AUTS2: variants seen among roughly 807,000 people sequenced by gnomAD.
AUTS2 encodes the protein autism susceptibility gene 2 protein.
Under a neutral mutation model 112.4 loss-of-function variants are expected in AUTS2, and 17 were observed. The ratio of observed to expected loss-of-function variants is 0.15; its 90% confidence interval spans 0.10 to 0.23. AUTS2 has a LOEUF of 0.23. Among genes scored for constraint, AUTS2 ranks in the 10% least tolerant of loss-of-function variants. AUTS2 has a pLI of 1.00. For missense variants in AUTS2, 1,510 were observed against 1,701.6 expected, an observed-to-expected ratio of 0.89 and a Z score of 1.98; for synonymous variants, 751 against 702.7, an observed-to-expected ratio of 1.07 and a Z score of -1.09.
At chr7:70,449,219 C>G (rs1796434414) in intron 5 of AUTS2, among the ~76,000 whole-genome samples, 2 of 152,256 alleles carry the variant, frequency 1.3e-5, no homozygotes, top group Non-Finnish European at 2.9e-5. Flanking sequence ...CCACTTGAAT[C>G]TTGATAATTT....
chr7:70,712,699 G>C (rs960427806), intron 6 of AUTS2, among the ~76,000 whole-genome samples: 3 of 152,162 alleles, frequency 2.0e-5, no homozygotes, highest in African/African-American at 7.2e-5. Flanking sequence ...TGGCAGTGAG[G>C]TTTTGTAAAT....
intron 5 of AUTS2, among the ~76,000 whole-genome samples, chr7:70,577,646 T>C (rs1027745840): frequency 2.6e-5 from 4 of 152,208 alleles, no homozygotes; most frequent in Non-Finnish European, 4.4e-5. Context: ...AGTTGATGTA[T>C]AGCCACAGCT....
At chr7:69,906,621 G>A (rs1029207189) in intron 2 of AUTS2, among the ~76,000 whole-genome samples, 1 of 152,220 alleles carries the variant, frequency 6.6e-6, no homozygotes, top group Non-Finnish European at 1.5e-5. Flanking sequence ...AAATGAAATT[G>A]TGGGTGGGCT....
chr7:69,795,189 G>A (rs1002739675), intron 1 of AUTS2, among the ~76,000 whole-genome samples: 6 of 152,150 alleles, frequency 3.9e-5, no homozygotes, highest in Non-Finnish European at 7.3e-5. Context: ...ATTAATCATT[G>A]CAAGGAAAAT....
chr7:69,849,140 T>G (rs1792346485), intron 1 of AUTS2, among the ~76,000 whole-genome samples: 1 of 152,156 alleles, frequency 6.6e-6, no homozygotes, highest in Non-Finnish European at 1.5e-5. Flanking sequence ...TATGATCATA[T>G]GACTGCACCC....
At chr7:69,660,846 A>T (rs1355248079) in intron 1 of AUTS2, among the ~76,000 whole-genome samples, 2 of 152,190 alleles carry the variant, frequency 1.3e-5, no homozygotes, top group African/African-American at 2.4e-5. Flanking sequence ...TAGGCAGGGA[A>T]TGGCATGAAC....
At chr7:70,032,036 A>G (rs1190430410) in intron 2 of AUTS2, among the ~76,000 whole-genome samples, 1 of 152,174 alleles carries the variant, frequency 6.6e-6, no homozygotes, top group African/African-American at 2.4e-5. Context: ...AGTCGGGGTT[A>G]ACGTTTCTGA....
At chr7:69,854,488 A>G (rs1234422322) in intron 1 of AUTS2, among the ~76,000 whole-genome samples, 6 of 152,118 alleles carry the variant, frequency 3.9e-5, no homozygotes, top group Admixed American at 6.5e-5. Context: ...ATTTGCTTCA[A>G]TGAAAGGTAA....
At chr7:70,625,500 T>G (rs550162432) in intron 5 of AUTS2, among the ~76,000 whole-genome samples, 1 of 152,218 alleles carries the variant, frequency 6.6e-6, no homozygotes, top group Non-Finnish European at 1.5e-5. Context: ...GCTACAGGCA[T>G]GTGAATATTC....
intron 4 of AUTS2, among the ~76,000 whole-genome samples, chr7:70,150,004 T>G (rs1291289615): frequency 6.6e-6 from 1 of 152,110 alleles, no homozygotes; most frequent in Non-Finnish European, 1.5e-5. Flanking sequence ...TGTTTACTCA[T>G]GTACTTAAAA....
At chr7:69,671,180 A>G (rs1796304014) in intron 1 of AUTS2, among the ~76,000 whole-genome samples, 1 of 152,108 alleles carries the variant, frequency 6.6e-6, no homozygotes, top group African/African-American at 2.4e-5. Flanking sequence ...TGCTTCTACC[A>G]CCTTCTTAAT....
At chr7:69,883,359 A>G (rs1390911217) in intron 1 of AUTS2, among the ~76,000 whole-genome samples, 2 of 151,128 alleles carry the variant, frequency 1.3e-5, no homozygotes, top group Non-Finnish European at 2.9e-5. Flanking sequence ...GAGACTATCC[A>G]TAGTACTCAT....
intron 5 of AUTS2, among the ~76,000 whole-genome samples, chr7:70,641,424 C>T (rs1157899466): frequency 3.3e-5 from 5 of 152,098 alleles, no homozygotes; most frequent in African/African-American, 1.2e-4. Flanking sequence ...TGGCGGTCAG[C>T]ACCTGTAGTC....
intron 4 of AUTS2, among the ~76,000 whole-genome samples, chr7:70,301,542 C>G (rs1019035074): frequency 6.6e-6 from 1 of 152,096 alleles, no homozygotes; most frequent in Non-Finnish European, 1.5e-5. Flanking sequence ...AGACGTGCAA[C>G]ATTTGTGAGG....
At chr7:69,957,901 G>A (rs1431203644) in intron 2 of AUTS2, among the ~76,000 whole-genome samples, 2 of 152,174 alleles carry the variant, frequency 1.3e-5, no homozygotes, top group Admixed American at 1.3e-4. Flanking sequence ...TGGCAAATGG[G>A]TTGTGGGCTG....
At chr7:70,027,220 T>A (rs943718951) in intron 2 of AUTS2, among the ~76,000 whole-genome samples, 1 of 152,218 alleles carries the variant, frequency 6.6e-6, no homozygotes, top group Non-Finnish European at 1.5e-5. Context: ...GCATCTGTAT[T>A]TGTCTGTGAA....
At chr7:69,926,622 A>AT (rs1332926364) in intron 2 of AUTS2, among the ~76,000 whole-genome samples, 4 of 150,746 alleles carry the variant, frequency 2.7e-5, no homozygotes, top group Admixed American at 1.3e-4. Context: ...TGTTAGTCGC[A>AT]TTTTTTTTCC....
chr7:69,720,818 A>G (rs1009643143), intron 1 of AUTS2, among the ~76,000 whole-genome samples: 1 of 152,216 alleles, frequency 6.6e-6, no homozygotes, highest in Admixed American at 6.5e-5. Context: ...GAGATTTACT[A>G]GGATCTCTTG....
At chr7:70,548,358 T>C (rs1339081042) in intron 5 of AUTS2, among the ~76,000 whole-genome samples, 1 of 152,172 alleles carries the variant, frequency 6.6e-6, no homozygotes, top group African/African-American at 2.4e-5. Flanking sequence ...TTTCTCCCAG[T>C]CAGTGGCTTG....
Sources: allele counts gnomAD v4.1 joint callset (sites outside exome capture counted in the v4.1 genomes callset), GRCh38; gene constraint gnomAD v4.1.1; transcripts MANE v1.5; gene names NCBI Gene and HGNC (gene_info 2026-07-23, HGNC 2026-07-21).